The following CFAP54 variants were observed in gnomAD, a reference collection of about 807,000 sequenced individuals.
The protein encoded by CFAP54 is cilia and flagella associated protein 54.
Under a neutral mutation model 370.4 loss-of-function variants are expected in CFAP54, and 290 were observed. That is an observed-to-expected ratio of 0.78 (90% confidence interval 0.71 to 0.86). CFAP54 has a LOEUF of 0.86. Ranked by LOEUF, CFAP54 falls within the 40% of genes least tolerant of loss-of-function variation. CFAP54 has a pLI of 0.00. For synonymous variants in CFAP54, 1,206 were observed against 1,236.5 expected (o/e 0.98, Z 0.52); for missense variants, 3,399 against 3,528.7 (o/e 0.96, Z 0.93).
intron 66 of CFAP54, among the ~76,000 whole-genome samples, chr12:96,850,540 A>G (rs1304854627): frequency 6.6e-6 from 1 of 152,036 alleles, no homozygotes; most frequent in Non-Finnish European, 1.5e-5. Flanking sequence ...ATGTTCTGAG[A>G]GCCTGTCTTC....
chr12:96,543,432 G>A (rs972811490), intron 14 of CFAP54, among the ~76,000 whole-genome samples: 4 of 152,118 alleles, frequency 2.6e-5, no homozygotes, highest in East Asian at 3.9e-4. Context: ...GTATTTCTAC[G>A]GCTTTTATCT....
At chr12:96,500,723 AGGC>A (rs1555218191) in intron 1 of CFAP54, 108 bp from the exon 2 acceptor site, 3 of 609,694 alleles carry the variant, frequency 4.9e-6, no homozygotes, top group Non-Finnish European at 8.3e-6. Context: ...ATTAACAATA[AGGC>A]ACATTGGAAA....
intron 64 of CFAP54, among the ~76,000 whole-genome samples, chr12:96,815,189 T>G (rs888606658): frequency 2.6e-5 from 4 of 152,218 alleles, no homozygotes; most frequent in Non-Finnish European, 5.9e-5. Context: ...AAAGTGTTCC[T>G]GTTTTTCCGC....
At chr12:96,527,154 C>T in intron 8 of CFAP54, 92 bp from the exon 9 acceptor site, 2 of 1,167,352 alleles carry the variant, frequency 1.7e-6, no homozygotes, top group Non-Finnish European at 1.1e-6. Flanking sequence ...GCCTTGGCCT[C>T]CCAAAGTGTT....
At chr12:96,755,596 T>TA (rs1592744202) in intron 56 of CFAP54, among the ~76,000 whole-genome samples, 1 of 152,074 alleles carries the variant, frequency 6.6e-6, no homozygotes, top group East Asian at 1.9e-4. Flanking sequence ...GGTCTTCAAA[T>TA]AACAGGATTT....
intron 47 of CFAP54, among the ~76,000 whole-genome samples, chr12:96,706,161 T>C (rs1957545788): frequency 6.6e-6 from 1 of 152,124 alleles, no homozygotes; most frequent in African/African-American, 2.4e-5. Context: ...GCTTGTATTT[T>C]AATGGGCAAG....
intron 66 of CFAP54, among the ~76,000 whole-genome samples, chr12:96,854,005 T>G (rs1014475504): frequency 6.6e-6 from 1 of 151,722 alleles, no homozygotes; most frequent in African/African-American, 2.4e-5. Flanking sequence ...AGCCACTTTA[T>G]TTTTTTTAAA....
At chr12:96,821,827 T>C (rs1959039183) in intron 65 of CFAP54, among the ~76,000 whole-genome samples, 1 of 152,028 alleles carries the variant, frequency 6.6e-6, no homozygotes, top group African/African-American at 2.4e-5. Context: ...AGGACACTTC[T>C]AAAAGAGATC....
chr12:96,496,932 T>G (rs1305496772), intron 1 of CFAP54, among the ~76,000 whole-genome samples: 1 of 152,238 alleles, frequency 6.6e-6, no homozygotes, highest in Non-Finnish European at 1.5e-5. Flanking sequence ...TTTATTTTAC[T>G]TGGTGGAGGG....
At chr12:96,853,473 A>T (rs1180967963) in intron 66 of CFAP54, among the ~76,000 whole-genome samples, 1 of 152,140 alleles carries the variant, frequency 6.6e-6, no homozygotes, top group Non-Finnish European at 1.5e-5. Flanking sequence ...ATTTTGAAAG[A>T]AAGTGTATAT....
intron 63 of CFAP54, among the ~76,000 whole-genome samples, chr12:96,795,676 G>A (rs1163174448): frequency 2.0e-5 from 3 of 152,032 alleles, no homozygotes; most frequent in African/African-American, 7.2e-5. Context: ...CTGGTGAGCA[G>A]GGCTGAGAAC....
At chr12:96,704,441 A>ATGT (rs1957524023) in intron 46 of CFAP54, among the ~76,000 whole-genome samples, 2 of 112,248 alleles carry the variant, frequency 1.8e-5, no homozygotes, top group Admixed American at 1.1e-4. Flanking sequence ...AAAAAAAAAA[A>ATGT]ATGTATGTGT....
chr12:96,831,516 A>T (rs141110061), intron 66 of CFAP54, among the ~76,000 whole-genome samples: 1 of 152,318 alleles, frequency 6.6e-6, no homozygotes, highest in African/African-American at 2.4e-5. Context: ...TACAAAGCCT[A>T]ACTTATTTAT....
intron 39 of CFAP54, among the ~76,000 whole-genome samples, chr12:96,674,491 T>G (rs998260666): frequency 6.6e-6 from 1 of 152,090 alleles, no homozygotes; most frequent in African/African-American, 2.4e-5. Context: ...ATAAGGGCCC[T>G]GAAGCTAATG....
chr12:96,489,614 C>T lies in CFAP54; in HGVS notation c.5C>T (p.Ala2Val). Reference protein sequence around the residue: MAAQGSPSSSPS... With the variant: MVAQGSPSSSPS... ...GGCGGGCCGGGGCGCGTCAATATGGCGGCGCAGGGCTCCCCCTCGAGCTCT... is the reference window on the plus strand; with the variant it reads ...GGCGGGCCGGGGCGCGTCAATATGGTGGCGCAGGGCTCCCCCTCGAGCTCT... Residue 2 changes from alanine to valine, a missense_variant, in exon 1 of 68, where the codon GCG (alanine) becomes GTG (valine). By Grantham distance (64) the Ala-to-Val change is moderately conservative. Coordinates refer to ENST00000524981, the MANE Select transcript of CFAP54 (RefSeq NM_001306084.2). 2.0e-6 allele frequency: 3 copies of T among 1,515,120 alleles called. No homozygotes were observed. The highest frequency in any genetic ancestry group is 2.7e-6 in the Non-Finnish European group (3 of 1,131,986). The allele number at this position is 1,515,120 out of a possible 1,614,324, so 93.9% of individuals were successfully genotyped here.
intron 32 of CFAP54, among the ~76,000 whole-genome samples, chr12:96,642,637 G>A (rs185993204): frequency 1.3e-5 from 2 of 152,252 alleles, no homozygotes; most frequent in South Asian, 2.1e-4. Flanking sequence ...TTCTGCTAAT[G>A]TCAATACGCT....
At chr12:96,826,296 T>C (rs1959101058) in intron 65 of CFAP54, among the ~76,000 whole-genome samples, 1 of 143,204 alleles carries the variant, frequency 7.0e-6, no homozygotes, top group African/African-American at 2.5e-5. Context: ...TCAAGACATA[T>C]ATATATAGAA....
rs1325362781 is a variant in CFAP54, at chr12:96,595,163, A to G, written c.3516+717A>G. Among the ~76,000 whole-genome samples, 7 of 152,304 alleles carry G rather than the reference A, an allele frequency of 4.6e-5. No individual in the cohort carries two copies. In the Middle Eastern group the frequency reaches 0.01, roughly 222 times the overall value. On this transcript the variant is annotated intron_variant, in intron 25 of 67. Coordinates refer to ENST00000524981, the MANE Select transcript of CFAP54 (RefSeq NM_001306084.2). The stretch of plus-strand genomic sequence containing the variant: ...AGGAGGTCCTTAGCTCCTAAAGGCC[A>G]ACTACTAATTCCTTGCCACATGGCC...
intron 3 of CFAP54, among the ~76,000 whole-genome samples, chr12:96,505,449 A>C (rs927432098): frequency 1.3e-5 from 2 of 151,258 alleles, no homozygotes. Flanking sequence ...CTTGGAATAC[A>C]TGGAATGCTC....
Sources: gnomAD v4.1 joint callset for allele counts (sites outside exome capture counted in the v4.1 genomes callset) on GRCh38, gnomAD v4.1.1 for gene constraint, MANE v1.5 for transcripts, NCBI Gene and HGNC (gene_info 2026-07-23, HGNC 2026-07-21) for gene names.